The following FIG4 variants were observed in gnomAD, a reference collection of about 807,000 sequenced individuals.
FIG4 encodes the protein FIG4 phosphoinositide 5-phosphatase, also known as polyphosphoinositide phosphatase.
FIG4 carries 112 observed loss-of-function variants against 118.6 expected under a neutral mutation model. The ratio of observed to expected loss-of-function variants is 0.94; its 90% CI spans 0.81 to 1.11. The LOEUF is 1.11. Ranked by LOEUF, FIG4 falls within the 50% of genes least tolerant of loss-of-function variation. The pLI is 0.00. For synonymous variants in FIG4, 369 were observed against 381.2 expected, an observed-to-expected ratio of 0.97 and a Z score of 0.37; for missense variants, 969 against 1,111.7, an observed-to-expected ratio of 0.87 and a Z score of 1.83.
intron 1 of FIG4, among the ~76,000 whole-genome samples, chr6:109,710,626 T>C (rs1033400567): frequency 6.7e-6 from 1 of 148,356 alleles, no homozygotes. Context: ...TTTTTGCTTG[T>C]AGGCTATTTA....
chr6:109,802,485 C>T (rs77563206), intron 22 of FIG4, among the ~76,000 whole-genome samples: 3,185 of 152,310 alleles, frequency 0.021, 102 homozygotes, highest in East Asian at 0.12. Context: ...CCACAAGGCA[C>T]ATATTATGAA....
intron 1 of FIG4, among the ~76,000 whole-genome samples, chr6:109,708,580 T>G (rs575516035): frequency 6.6e-6 from 1 of 152,354 alleles, no homozygotes; most frequent in African/African-American, 2.4e-5. Flanking sequence ...TATACATTCC[T>G]GCTAACAGTG....
chr6:109,817,499 T>C (rs571932068), intron 22 of FIG4, among the ~76,000 whole-genome samples: 1 of 152,270 alleles, frequency 6.6e-6, no homozygotes, highest in Admixed American at 6.5e-5. Flanking sequence ...CAAGCTTTAT[T>C]TCTCTAAAGC....
chr6:109,766,786 T>C lies in FIG4; in HGVS notation c.1641T>C (p.Gly547=), dbSNP rs1256808117. The change falls in exon 15 of 23, where the codon GGT becomes GGC. Residue 547 remains glycine (G), a synonymous_variant. Transcript: ENST00000230124. ...HGDTLSLQYG[G]SQLVHRVKTY... ...ATACCCTATCCCTTCAGTATGGTGG[T>C]TCTCAACTTGTTCATCGTGTGAAAA... 1.9e-6 allele frequency: 3 copies of C among 1,613,812 alleles called. No individual in the cohort carries two copies. Among genetic ancestry groups the C allele is most frequent in the Non-Finnish European group, 2.5e-6 (3 of 1,179,856 alleles).
chr6:109,743,882 C>A, intron 10 of FIG4, 110 bp downstream of exon 10: 1 of 816,448 alleles, frequency 1.2e-6, no homozygotes, highest in Non-Finnish European at 2.1e-6. Context: ...AGTGGAGAGA[C>A]GTGCAGATTA....
Position 109,732,664 on chromosome 6 carries a change from C to A in FIG4, c.474C>A (p.Asp158Glu). ...ATCTACGAATATTTCAAAATGTGGA[C>A]CTATCTAGCAATTTTTACTTTAGGT... ...ARYLRIFQNV[D>E]LSSNFYFSYS... Residue 158 changes from aspartate to glutamate, a missense_variant, in exon 5 of 23, where the codon GAC becomes GAA. By Grantham distance (45) the Asp-to-Glu change is conservative. This residue lies in a region of FIG4 where 393 missense variants were observed against 409.4 expected (regional missense o/e 0.96). Transcript: ENST00000230124. 6.6e-7 allele frequency: 1 copy of A among 1,517,248 alleles called. No individual in the cohort carries two copies. The highest frequency in any genetic ancestry group is 9.1e-7 in the Non-Finnish European group (1 of 1,101,564). 94.0% of individuals were successfully genotyped at this position (1,517,248 alleles called of 1,614,324 possible). A position where few individuals can be genotyped will look rare whatever the true frequency, so the allele number is the denominator to read the frequency against.
intron 22 of FIG4, among the ~76,000 whole-genome samples, chr6:109,797,811 G>A (rs1778327555): frequency 6.7e-6 from 1 of 150,008 alleles, no homozygotes; most frequent in Non-Finnish European, 1.5e-5. Flanking sequence ...CAGGAGAATT[G>A]TTTGAACTCG....
At chr6:109,750,803 G>T (rs1350194299) in intron 10 of FIG4, among the ~76,000 whole-genome samples, 1 of 152,042 alleles carries the variant, frequency 6.6e-6, no homozygotes, top group Non-Finnish European at 1.5e-5. Flanking sequence ...TGATACGAAG[G>T]TTGCTCAAAC....
chr6:109,692,211 C>T (rs1002583487), intron 1 of FIG4, among the ~76,000 whole-genome samples: 1 of 152,180 alleles, frequency 6.6e-6, no homozygotes, highest in African/African-American at 2.4e-5. Flanking sequence ...ATACTTGGTC[C>T]TTTCTGTGGG....
Position 109,807,126 on chromosome 6 carries a change from A to G in FIG4, c.2546+10275A>G, listed in dbSNP as rs139263740. ...TTATAATCCTTTGGGTACATACCCAATAATGGGATTGCTGGGTCAAATGGC... is the reference window on the plus strand; with the variant it reads ...TTATAATCCTTTGGGTACATACCCAGTAATGGGATTGCTGGGTCAAATGGC... On this transcript the variant is annotated intron_variant, in intron 22 of 22. Transcript: ENST00000230124. Among the ~76,000 whole-genome samples, 1,366 of 152,282 alleles carry G rather than the reference A, an allele frequency of 9.0e-3. 20 individuals are homozygous for G. The highest frequency in any genetic ancestry group is 0.032 in the African/African-American group (1,315 of 41,566).
intron 3 of FIG4, among the ~76,000 whole-genome samples, chr6:109,721,471 A>C (rs1775607423): frequency 6.6e-6 from 1 of 152,120 alleles, no homozygotes; most frequent in South Asian, 2.1e-4. Flanking sequence ...AGAATTGCAT[A>C]CTACTCCATT....
chr6:109,791,279 T>C, intron 19 of FIG4, 97 bp from the exon 20 acceptor site: 3 of 1,018,900 alleles, frequency 2.9e-6, no homozygotes, highest in East Asian at 2.4e-5. Context: ...CATTTTCTTA[T>C]GCTTCACTAG....
chr6:109,803,605 GTTAAATT>G (rs1778483003), intron 22 of FIG4, among the ~76,000 whole-genome samples: 1 of 150,276 alleles, frequency 6.7e-6, no homozygotes, highest in Non-Finnish European at 1.5e-5. Flanking sequence ...AAGCAAGTAA[GTTAAATT>G]TCTTTTTTCT....
chr6:109,745,996 A>C (rs1267878812), intron 10 of FIG4, among the ~76,000 whole-genome samples: 3 of 152,188 alleles, frequency 2.0e-5, no homozygotes, highest in Non-Finnish European at 4.4e-5. Flanking sequence ...ACCTGACTTC[A>C]AACTATACTA....
intron 5 of FIG4, among the ~76,000 whole-genome samples, chr6:109,733,839 A>T (rs1223321092): frequency 6.6e-6 from 1 of 151,906 alleles, no homozygotes; most frequent in Admixed American, 6.6e-5. Flanking sequence ...CTTCTTCTTC[A>T]TATTTCTCAG....
chr6:109,705,598 C>G (rs1208995992), intron 1 of FIG4, among the ~76,000 whole-genome samples: 1 of 152,140 alleles, frequency 6.6e-6, no homozygotes, highest in Non-Finnish European at 1.5e-5. Flanking sequence ...TTGGAAGGAT[C>G]TAGATATTGG....
intron 22 of FIG4, among the ~76,000 whole-genome samples, chr6:109,805,182 G>A (rs1778530101): frequency 6.6e-6 from 1 of 152,154 alleles, no homozygotes; most frequent in African/African-American, 2.4e-5. Flanking sequence ...TACACATTGT[G>A]TTAGAAGGAC....
chr6:109,792,996 T>C (rs1228975810), intron 21 of FIG4, among the ~76,000 whole-genome samples: 2 of 152,154 alleles, frequency 1.3e-5, no homozygotes, highest in Non-Finnish European at 2.9e-5. Flanking sequence ...CAGCCTAATA[T>C]AACTTTTAAG....
Position 109,791,491 on chromosome 6 carries a change from C to CG in FIG4, c.2299dup (p.Glu767GlyfsTer17), listed in dbSNP as rs1191997383. ...CTCTGAGGATGACTCTGGGACTGAT[C>CG]GGGAAGAAGAGGGCTCTGTGTCTCA... is the stretch of plus-strand genomic sequence containing the variant. On this transcript the variant is annotated frameshift_variant, in exon 20 of 23. Transcript: ENST00000230124. LOFTEE classifies it high-confidence loss of function. 7 of 1,613,896 alleles carry CG rather than the reference C, an allele frequency of 4.3e-6. No individual in the cohort carries two copies. The highest frequency in any genetic ancestry group is 1.7e-5 in the Admixed American group (1 of 60,000).
Sources: allele counts gnomAD v4.1 joint callset (sites outside exome capture counted in the v4.1 genomes callset), GRCh38; gene constraint gnomAD v4.1.1; regional missense constraint gnomAD v4.1.1; transcripts MANE v1.5; gene names NCBI Gene and HGNC (gene_info 2026-07-23, HGNC 2026-07-21).